The following ITPK1 variants were observed in gnomAD, a reference collection of about 807,000 sequenced individuals.
ITPK1 encodes inositol-tetrakisphosphate 1-kinase, also known as inositol 1,3,4-trisphosphate 5/6-kinase.
Under a neutral mutation model 45.3 loss-of-function variants are expected in ITPK1, and 21 were observed. The observed-to-expected ratio is 0.46, with a 90% CI of 0.33 to 0.67. The LOEUF (loss-of-function observed/expected upper bound fraction) is 0.67, where lower values mean the gene tolerates loss of function less well. Ranked by LOEUF, ITPK1 falls within the 30% of genes least tolerant of loss-of-function variation. The probability of loss-of-function intolerance (pLI) is 0.02; values close to 1 mark genes in which losing one functional copy is unlikely to be tolerated. For synonymous variants in ITPK1, 258 were observed against 253.6 expected (o/e 1.02, Z -0.16); for missense variants, 474 against 573.5 (o/e 0.83, Z 1.77).
intron 3 of ITPK1, among the ~76,000 whole-genome samples, chr14:93,020,865 G>C (rs770413399): frequency 2.6e-5 from 4 of 151,986 alleles, no homozygotes; most frequent in African/African-American, 9.7e-5. Context: ...ACACTTGCTC[G>C]GTGCCAGGCT....
rs141962113 is a variant in ITPK1, at chr14:93,039,538, A to G, written c.121-22737T>C. 1.2e-3 allele frequency among the ~76,000 whole-genome samples: 187 copies of G among 152,324 alleles called. 2 individuals carry two copies. Among genetic ancestry groups the G allele is most frequent in the African/African-American group, 4.3e-3 (178 of 41,568 alleles). ...ACCCTGTGCCTGCTGGAGACTTTGT[A>G]TCTTTACCAGCCCAAGGTGCTTGGT... On this transcript the variant is annotated intron_variant, in intron 3 of 10. Transcript: ENST00000267615.
At chr14:92,957,584 G>A (rs1204637795) in intron 8 of ITPK1, among the ~76,000 whole-genome samples, 1 of 152,202 alleles carries the variant, frequency 6.6e-6, no homozygotes, top group African/African-American at 2.4e-5. Context: ...GCATCATGCA[G>A]AGAACGCCCT....
At chr14:93,004,593 T>A (rs1040680614) in intron 4 of ITPK1, among the ~76,000 whole-genome samples, 7 of 151,576 alleles carry the variant, frequency 4.6e-5, no homozygotes, top group Non-Finnish European at 1.0e-4. Flanking sequence ...TGTGTGTGTG[T>A]GAGAATGAGT....
At chr14:92,943,942 T>A (rs553575687) in intron 10 of ITPK1, among the ~76,000 whole-genome samples, 2 of 152,280 alleles carry the variant, frequency 1.3e-5, no homozygotes, top group African/African-American at 4.8e-5. Flanking sequence ...GGGCTGACAG[T>A]CTGGGCCCCA....
intron 5 of ITPK1, among the ~76,000 whole-genome samples, chr14:92,980,661 C>G (rs1476815537): frequency 6.6e-6 from 1 of 152,144 alleles, no homozygotes; most frequent in Non-Finnish European, 1.5e-5. Context: ...AAGGGTCCCT[C>G]TCTCATAGTT....
At chr14:93,057,095 G>C (rs1231844089) in intron 3 of ITPK1, among the ~76,000 whole-genome samples, 1 of 152,178 alleles carries the variant, frequency 6.6e-6, no homozygotes, top group Non-Finnish European at 1.5e-5. Flanking sequence ...GAGACCATAG[G>C]CCGAGGATGA....
At chr14:93,052,004 T>A (rs1375246031) in intron 3 of ITPK1, among the ~76,000 whole-genome samples, 1 of 152,214 alleles carries the variant, frequency 6.6e-6, no homozygotes, top group Non-Finnish European at 1.5e-5. Flanking sequence ...CTTTTGTAGC[T>A]GGAGCTTGCA....
chr14:92,984,746 C>T (rs1399788701), intron 5 of ITPK1, among the ~76,000 whole-genome samples: 2 of 152,150 alleles, frequency 1.3e-5, no homozygotes, highest in African/African-American at 4.8e-5. Flanking sequence ...TGGATGTCTG[C>T]AAAGCTGCAA....
At chr14:93,031,081 G>A (rs1771284166) in intron 3 of ITPK1, among the ~76,000 whole-genome samples, 1 of 152,170 alleles carries the variant, frequency 6.6e-6, no homozygotes, top group Admixed American at 6.5e-5. Context: ...TGGGAGGGGT[G>A]CATTTCTGCT....
chr14:93,088,870 C>T (rs1208585804), intron 2 of ITPK1, among the ~76,000 whole-genome samples: 5 of 152,102 alleles, frequency 3.3e-5, no homozygotes, highest in Admixed American at 1.3e-4. Context: ...AGGTAAGAAG[C>T]AGAACCACAA....
chr14:92,946,001 A>G (rs748776664), intron 10 of ITPK1, among the ~76,000 whole-genome samples: 24 of 152,162 alleles, frequency 1.6e-4, no homozygotes, highest in Non-Finnish European at 2.9e-4. Context: ...AATCCCTTCA[A>G]GGTCCTTCCT....
rs1887440094 is a variant in ITPK1, at chr14:92,941,885, C to T, written c.921G>A (p.Glu307=). 1 of 1,612,308 alleles carries T rather than the reference C, an allele frequency of 6.2e-7. No individual in the cohort carries two copies. Among genetic ancestry groups the T allele is most frequent in the African/African-American group, 1.3e-5 (1 of 74,922 alleles). The change falls in exon 11 of 11, where the codon GAG becomes GAA. Residue 307 remains glutamate, a synonymous_variant. Coordinates refer to ENST00000267615, the MANE Select transcript of ITPK1 (RefSeq NM_014216.6). ...NAFPGYEGVS[E]FFTDLLNHIA... ...TGTGGTTCAGGAGGTCTGTGAAGAA[C>T]TCGCTCACGCCCTCGTAGCCTGGGG... is the stretch of plus-strand genomic sequence containing the variant.
intron 1 of ITPK1, 148 bp from the exon 2 acceptor site, chr14:93,115,453 G>C (rs932040350): frequency 1.3e-5 from 2 of 148,688 alleles, no homozygotes; most frequent in African/African-American, 2.4e-5. Context: ...ACCGGCTCGC[G>C]AGCGCCGCGC....
Position 92,938,327 on chromosome 14 carries a change from T to G in ITPK1, c.*3234A>C. The G allele has an allele frequency of 1.5e-6, 1 of 671,160 alleles. No homozygotes were observed. Among genetic ancestry groups the G allele is most frequent in the Non-Finnish European group, 2.7e-6 (1 of 365,678 alleles). The allele number at this position is 671,160 out of a possible 1,614,324, so 41.6% of individuals were successfully genotyped here. On this transcript the variant is annotated 3_prime_UTR_variant, in exon 11 of 11. Transcript: ENST00000267615. ...GACATTAGTGAAGCCATTCAGCAGT[T>G]GTGGCCAGTGGCCAATGTGAGTGCC...
chr14:92,961,540 C>T (rs1488175651), intron 7 of ITPK1, among the ~76,000 whole-genome samples: 1 of 152,238 alleles, frequency 6.6e-6, no homozygotes, highest in Non-Finnish European at 1.5e-5. Context: ...CGTCTCAATT[C>T]AGCAGCATGG....
chr14:93,052,759 T>C (rs548817167), intron 3 of ITPK1, among the ~76,000 whole-genome samples: 1 of 152,254 alleles, frequency 6.6e-6, no homozygotes, highest in South Asian at 2.1e-4. Flanking sequence ...GAAACAGCCC[T>C]ACATCTCCCA....
intron 4 of ITPK1, among the ~76,000 whole-genome samples, chr14:93,010,700 C>T (rs192476806): frequency 5.3e-5 from 8 of 152,368 alleles, no homozygotes; most frequent in Non-Finnish European, 8.8e-5. Flanking sequence ...ATAAGGCTGA[C>T]AGAGTAGTCC....
chr14:93,089,732 C>T (rs1270849174), intron 2 of ITPK1, among the ~76,000 whole-genome samples: 1 of 152,176 alleles, frequency 6.6e-6, no homozygotes, highest in Admixed American at 6.5e-5. Flanking sequence ...GTCTCAGAGC[C>T]AGCTCTCGGC....
chr14:92,969,297 T>A (rs1489396843), intron 5 of ITPK1, among the ~76,000 whole-genome samples: 1 of 148,072 alleles, frequency 6.8e-6, no homozygotes, highest in Non-Finnish European at 1.5e-5. Flanking sequence ...TGGCCGGAGC[T>A]GGCAGGGAAA....
Sources: gnomAD v4.1 joint callset for allele counts (sites outside exome capture counted in the v4.1 genomes callset) on GRCh38, gnomAD v4.1.1 for gene constraint, MANE v1.5 for transcripts, NCBI Gene and HGNC (gene_info 2026-07-23, HGNC 2026-07-21) for gene names.